GRID2: variants seen among roughly 807,000 people sequenced by gnomAD.
GRID2 encodes glutamate ionotropic receptor delta type subunit 2.
In GRID2, 33 loss-of-function variants were observed where a neutral mutation model predicts 114.8. That is an observed-to-expected ratio of 0.29 (90% CI 0.22 to 0.38). GRID2 has a LOEUF of 0.38. GRID2 is among the 10% of genes least tolerant of loss of function. The pLI is 1.00. For missense variants in GRID2, 1,184 were observed against 1,257.7 expected, an observed-to-expected ratio of 0.94 and a Z score of 0.89; for synonymous variants, 505 against 449.9, an observed-to-expected ratio of 1.12 and a Z score of -1.55.
chr4:92,614,446 A>AT (rs200537991), intron 2 of GRID2, among the ~76,000 whole-genome samples: 2,018 of 151,480 alleles, frequency 0.013, 15 homozygotes, highest in Non-Finnish European at 0.021. Context: ...CAGTTCAACA[A>AT]TTTTTTTTCC....
At chr4:93,737,953 T>C (rs1054410667) in intron 14 of GRID2, among the ~76,000 whole-genome samples, 1 of 152,176 alleles carries the variant, frequency 6.6e-6, no homozygotes, top group African/African-American at 2.4e-5. Flanking sequence ...ATATCCATGA[T>C]GGAAGATTAT....
At position 92,552,144 on chromosome 4, in the gene GRID2, G is replaced by A. The variant is rs146087452; in HGVS notation, c.89-37987G>A. Among the ~76,000 whole-genome samples the A allele has an allele frequency of 5.3e-5, 8 of 151,796 alleles. No individual in the cohort carries two copies. In the East Asian group the frequency reaches 5.8e-4, roughly 11 times the overall value. On this transcript the variant is annotated intron_variant, in intron 1 of 15. Coordinates refer to ENST00000282020, the MANE Select transcript of GRID2 (RefSeq NM_001510.4). Reference sequence around the variant, plus strand: ...ATGTATTCAGAGTTAGCAGTACTTCGGTATGAGGAAAAACTAAGTTTCTGA... The same window carrying A: ...ATGTATTCAGAGTTAGCAGTACTTCAGTATGAGGAAAAACTAAGTTTCTGA...
At chr4:92,611,108 GTGTGTGTA>G (rs1337016097) in intron 2 of GRID2, among the ~76,000 whole-genome samples, 108 of 144,594 alleles carry the variant, frequency 7.5e-4, no homozygotes, top group East Asian at 1.7e-3. Flanking sequence ...GTGTGTATAT[GTGTGTGTA>G]TGTGTGTGTG....
At chr4:92,700,926 G>A (rs1734643575) in intron 2 of GRID2, among the ~76,000 whole-genome samples, 1 of 151,286 alleles carries the variant, frequency 6.6e-6, no homozygotes, top group Admixed American at 6.6e-5. Context: ...CCCGGGAGGT[G>A]GAGCTTGCAG....
chr4:93,681,911 A>C (rs1725588893), intron 14 of GRID2, among the ~76,000 whole-genome samples: 1 of 151,524 alleles, frequency 6.6e-6, no homozygotes, highest in African/African-American at 2.4e-5. Context: ...AATGGCAACA[A>C]AAGCCAAAAT....
At chr4:93,770,274 C>A (rs1477542041) in intron 15 of GRID2, among the ~76,000 whole-genome samples, 7 of 152,084 alleles carry the variant, frequency 4.6e-5, no homozygotes, top group African/African-American at 1.4e-4. Context: ...AAACAAAAAC[C>A]AATCTGAATT....
At chr4:93,759,456 A>G (rs986169548) in intron 14 of GRID2, among the ~76,000 whole-genome samples, 2 of 152,226 alleles carry the variant, frequency 1.3e-5, no homozygotes, top group Non-Finnish European at 2.9e-5. Context: ...TAAAGATTAA[A>G]CAATGTGCTT....
In GRID2 at chr4:92,971,524, T is replaced by G. The variant is rs190498457; in HGVS notation, c.245-113471T>G. ...TTACATAGCCATCAACTCAAACATT[T>G]ATCATTTCTCTGTGTGTGAACATTT... On this transcript the variant is annotated intron_variant, in intron 2 of 15. Coordinates refer to ENST00000282020, the MANE Select transcript of GRID2 (RefSeq NM_001510.4). Among the ~76,000 whole-genome samples the G allele has an allele frequency of 2.4e-3, 371 of 152,266 alleles. 1 individual carries two copies. The highest frequency in any genetic ancestry group is 3.9e-3 in the Admixed American group (59 of 15,278).
intron 2 of GRID2, among the ~76,000 whole-genome samples, chr4:92,608,541 G>T (rs1157027388): frequency 1.3e-5 from 2 of 151,802 alleles, no homozygotes; most frequent in African/African-American, 2.4e-5. Flanking sequence ...AAAGTGCTAT[G>T]CATGTGTATT....
chr4:92,950,519 C>T (rs995058127), intron 2 of GRID2, among the ~76,000 whole-genome samples: 2 of 152,274 alleles, frequency 1.3e-5, no homozygotes, highest in Admixed American at 6.5e-5. Flanking sequence ...TATCCCTTTA[C>T]TCCCCTGATG....
chr4:93,758,782 C>T (rs1158875695), intron 14 of GRID2, among the ~76,000 whole-genome samples: 3 of 152,178 alleles, frequency 2.0e-5, no homozygotes, highest in Non-Finnish European at 2.9e-5. Flanking sequence ...TTTTCATAAA[C>T]ATGCATTTGA....
chr4:93,513,942 A>G (rs1729444215), intron 12 of GRID2, among the ~76,000 whole-genome samples: 1 of 152,192 alleles, frequency 6.6e-6, no homozygotes. Flanking sequence ...AACTCCATCT[A>G]GAAACAGACC....
intron 2 of GRID2, among the ~76,000 whole-genome samples, chr4:92,612,027 A>C (rs1270899169): frequency 6.6e-6 from 1 of 151,514 alleles, no homozygotes; most frequent in Non-Finnish European, 1.5e-5. Context: ...TTATGTGTTT[A>C]GCTTTGATAT....
chr4:93,481,134 C>T (rs943427148), intron 11 of GRID2, among the ~76,000 whole-genome samples: 1 of 151,978 alleles, frequency 6.6e-6, no homozygotes, highest in African/African-American at 2.4e-5. Flanking sequence ...GGGCTTTATA[C>T]TTCTTTGACT....
intron 1 of GRID2, among the ~76,000 whole-genome samples, chr4:92,360,907 A>AT (rs1478656910): frequency 3.3e-5 from 5 of 151,766 alleles, no homozygotes; most frequent in African/African-American, 1.2e-4. Flanking sequence ...AGATATAGAT[A>AT]TTTTTCTAGG....
intron 13 of GRID2, among the ~76,000 whole-genome samples, chr4:93,590,596 G>T (rs527852054): frequency 3.7e-4 from 56 of 152,166 alleles, no homozygotes; most frequent in East Asian, 1.7e-3. Context: ...CTGAAGAAAG[G>T]CATTGGTAGC....
chr4:92,724,013 G>A lies in GRID2; in HGVS notation c.244+133727G>A, dbSNP rs148259698. On this transcript the variant is annotated intron_variant, in intron 2 of 15. Transcript: ENST00000282020. ...AGATATATTATTAATTCCAAACTAA[G>A]CTCACTGCATTTTAGTCAGATAGCA... Among the ~76,000 whole-genome samples, 1,518 of 151,908 alleles carry A rather than the reference G, an allele frequency of 1.0e-2. 21 individuals carry two copies. The highest frequency in any genetic ancestry group is 0.035 in the African/African-American group (1,455 of 41,424).
At chr4:92,707,810 G>T (rs554304418) in intron 2 of GRID2, among the ~76,000 whole-genome samples, 1 of 152,184 alleles carries the variant, frequency 6.6e-6, no homozygotes, top group Admixed American at 6.6e-5. Flanking sequence ...AAGGAAGTTC[G>T]ACTGTGTTGT....
chr4:92,827,075 C>T (rs549569834), intron 2 of GRID2, among the ~76,000 whole-genome samples: 1 of 152,004 alleles, frequency 6.6e-6, no homozygotes, highest in Admixed American at 6.6e-5. Context: ...CTGTATAAAG[C>T]TGGGCCTTCC....
Sources: gnomAD v4.1 joint callset for allele counts (sites outside exome capture counted in the v4.1 genomes callset) on GRCh38, gnomAD v4.1.1 for gene constraint, MANE v1.5 for transcripts, NCBI Gene and HGNC (gene_info 2026-07-23, HGNC 2026-07-21) for gene names.